The following G2E3 variants were observed in gnomAD, a reference collection of about 807,000 sequenced individuals.
G2E3 encodes G2/M phase-specific E3 ubiquitin-protein ligase.
G2E3 carries 35 observed loss-of-function variants against 92.8 expected under a neutral mutation model. The ratio of observed to expected loss-of-function variants is 0.38; its 90% CI spans 0.29 to 0.50. The LOEUF (loss-of-function observed/expected upper bound fraction) is 0.50, where lower values mean the gene tolerates loss of function less well. Ranked by LOEUF, G2E3 falls within the 20% of genes least tolerant of loss-of-function variation. The pLI, the probability that G2E3 is intolerant of heterozygous loss-of-function variation, is 0.94. For synonymous variants in G2E3, 242 were observed against 272.4 expected, an observed-to-expected ratio of 0.89 and a Z score of 1.10; for missense variants, 554 against 823.8, an observed-to-expected ratio of 0.67 and a Z score of 4.01.
intron 4 of G2E3, among the ~76,000 whole-genome samples, chr14:30,591,928 A>G (rs546311181): frequency 3.3e-5 from 5 of 152,232 alleles, no homozygotes; most frequent in Non-Finnish European, 7.4e-5. Flanking sequence ...ATTGGTTTAT[A>G]GTATTTTCCT....
intron 6 of G2E3, among the ~76,000 whole-genome samples, chr14:30,594,820 A>G (rs1207466896): frequency 8.9e-5 from 13 of 145,752 alleles, no homozygotes; most frequent in Non-Finnish European, 1.7e-4. Flanking sequence ...TATACTTAGG[A>G]TTATTCAGTT....
At chr14:30,587,023 G>A (rs1476775447) in intron 3 of G2E3, among the ~76,000 whole-genome samples, 2 of 151,942 alleles carry the variant, frequency 1.3e-5, no homozygotes, top group African/African-American at 2.4e-5. Flanking sequence ...TCATTATTTC[G>A]TGTTTGTTTG....
intron 1 of G2E3, among the ~76,000 whole-genome samples, chr14:30,569,778 A>G (rs1162488814): frequency 6.6e-6 from 1 of 152,174 alleles, no homozygotes; most frequent in Admixed American, 6.5e-5. Context: ...TGATAATCCA[A>G]TCCAAGGAGA....
chr14:30,583,669 A>T (rs1252629230), intron 2 of G2E3, among the ~76,000 whole-genome samples: 1 of 152,210 alleles, frequency 6.6e-6, no homozygotes, highest in East Asian at 1.9e-4. Flanking sequence ...TTCTCACCAC[A>T]AGTGGTAAAT....
In G2E3 at chr14:30,576,405, A is replaced by T. The variant is rs145387183; in HGVS notation, c.-4-4671A>T. On this transcript the variant is annotated intron_variant, in intron 1 of 14. Coordinates refer to ENST00000206595, the MANE Select transcript of G2E3 (RefSeq NM_017769.5). ...TAAAGACTTAGATGTAAAACCCAAA[A>T]CTATAAAAACCCTGGAAGACAACCT... Among the ~76,000 whole-genome samples the T allele has an allele frequency of 1.8e-3, 276 of 152,336 alleles. 6 individuals carry two copies. In the East Asian group the frequency reaches 0.042, roughly 23 times the overall value.
At chr14:30,603,582 C>A (rs1881684042) in intron 10 of G2E3, among the ~76,000 whole-genome samples, 1 of 152,136 alleles carries the variant, frequency 6.6e-6, no homozygotes, top group South Asian at 2.1e-4. Context: ...TGACTCATAC[C>A]TGTAATCCCA....
At chr14:30,586,050 G>T (rs894811971) in intron 2 of G2E3, among the ~76,000 whole-genome samples, 8 of 152,082 alleles carry the variant, frequency 5.3e-5, no homozygotes, top group African/African-American at 1.9e-4. Flanking sequence ...CTTGTCCTAG[G>T]CTGCTACAGC....
chr14:30,587,848 T>TTA (rs1209576323), intron 3 of G2E3, among the ~76,000 whole-genome samples: 2 of 152,208 alleles, frequency 1.3e-5, no homozygotes, highest in African/African-American at 2.4e-5. Context: ...CACACACTAA[T>TTA]GTCACTTTTG....
chr14:30,590,418 A>G (rs763240563), intron 4 of G2E3: 4 of 250,576 alleles, frequency 1.6e-5, no homozygotes, highest in Non-Finnish European at 3.2e-5. Context: ...TCAAAGGTCC[A>G]AATTTTTCAA....
intron 1 of G2E3, among the ~76,000 whole-genome samples, chr14:30,569,167 A>G (rs572264809): frequency 1.3e-5 from 2 of 152,342 alleles, no homozygotes; most frequent in South Asian, 4.1e-4. Flanking sequence ...ATAAGAAATT[A>G]AAAGAAAAAG....
At chr14:30,601,235 G>A (rs1288714241) in intron 8 of G2E3, among the ~76,000 whole-genome samples, 1 of 152,186 alleles carries the variant, frequency 6.6e-6, no homozygotes, top group Non-Finnish European at 1.5e-5. Flanking sequence ...TATGAATATG[G>A]ACTGGCATAC....
Position 30,605,677 on chromosome 14 carries a change from G to A in G2E3, c.1183G>A (p.Val395Ile). The change falls in exon 11 of 15, where the codon GTT becomes ATT. Residue 395 changes from valine (V) to isoleucine (I), a missense_variant. Coordinates refer to ENST00000206595, the MANE Select transcript of G2E3 (RefSeq NM_017769.5). ...NPSYAIEVAY[V>I]IENDNFGSEH... ...TTCATATGCAATTGAAGTAGCATAT[G>A]TTATTGAAAATGATAATTTTGGAAG... is the stretch of plus-strand genomic sequence containing the variant. 1 of 1,610,454 alleles carries A rather than the reference G, an allele frequency of 6.2e-7. No individual in the cohort carries two copies. The highest frequency in any genetic ancestry group is 8.5e-7 in the Non-Finnish European group (1 of 1,177,326).
At chr14:30,571,891 T>C (rs1266523493) in intron 1 of G2E3, among the ~76,000 whole-genome samples, 1 of 151,916 alleles carries the variant, frequency 6.6e-6, no homozygotes, top group East Asian at 1.9e-4. Flanking sequence ...GTTTTTGCTA[T>C]TACAAGACTT....
chr14:30,602,187 A>T, intron 10 of G2E3, 56 bp downstream of exon 10: 1 of 1,339,600 alleles, frequency 7.5e-7, no homozygotes, highest in Non-Finnish European at 1.1e-6. Flanking sequence ...AAATTATGAT[A>T]GGAAATGCCA....
At chr14:30,600,765 G>C (rs1881529909) in intron 8 of G2E3, among the ~76,000 whole-genome samples, 1 of 152,198 alleles carries the variant, frequency 6.6e-6, no homozygotes, top group Admixed American at 6.5e-5. Flanking sequence ...GAGCATGTCT[G>C]AAGCTAGATA....
intron 4 of G2E3, 93 bp from the exon 5 acceptor site, chr14:30,592,230 G>C (rs1594490188): frequency 1.8e-6 from 2 of 1,114,144 alleles, no homozygotes; most frequent in East Asian, 2.4e-5. Context: ...ATAATTTTCA[G>C]ATTCCCCACC....
chr14:30,560,998 T>C (rs943848732), intron 1 of G2E3, among the ~76,000 whole-genome samples: 1 of 152,230 alleles, frequency 6.6e-6, no homozygotes, highest in Non-Finnish European at 1.5e-5. Context: ...GCAAGCTGTT[T>C]AACCTCTCTG....
intron 2 of G2E3, 54 bp from the exon 3 acceptor site, chr14:30,586,664 T>G (rs1566536437): frequency 1.3e-5 from 8 of 615,040 alleles, no homozygotes. Flanking sequence ...TTCCATAGGG[T>G]TTTTTTGAAA....
intron 12 of G2E3, among the ~76,000 whole-genome samples, chr14:30,610,191 G>C (rs1882020905): frequency 6.6e-6 from 1 of 152,126 alleles, no homozygotes; most frequent in Admixed American, 6.5e-5. Flanking sequence ...ATTCTGTACT[G>C]TTTTGTTACT....
Sources: allele counts gnomAD v4.1 joint callset (sites outside exome capture counted in the v4.1 genomes callset), GRCh38; gene constraint gnomAD v4.1.1; transcripts MANE v1.5; gene names NCBI Gene and HGNC (gene_info 2026-07-23, HGNC 2026-07-21).